Variants in REXO5 observed in about 807,000 individuals in gnomAD.
REXO5 encodes the protein exonuclease NEF-sp.
REXO5 carries 48 observed loss-of-function variants against 88.5 expected under a neutral mutation model. The observed-to-expected ratio is 0.54, with a 90% CI of 0.43 to 0.69. The LOEUF is 0.69. REXO5 is among the 30% of genes least tolerant of loss of function. REXO5 has a pLI of 0.00. For synonymous variants in REXO5, 311 were observed against 336.5 expected (o/e 0.92, Z 0.83); for missense variants, 749 against 912.2 (o/e 0.82, Z 2.30).
chr16:20,810,321 A>G (rs774241534), intron 2 of REXO5, among the ~76,000 whole-genome samples: 1 of 152,128 alleles, frequency 6.6e-6, no homozygotes, highest in Non-Finnish European at 1.5e-5. Context: ...ATTTTTCTGT[A>G]TTTTACTTAT....
At chr16:20,841,165 T>C (rs968196384) in intron 15 of REXO5, among the ~76,000 whole-genome samples, 1 of 152,162 alleles carries the variant, frequency 6.6e-6, no homozygotes, top group Non-Finnish European at 1.5e-5. Context: ...GAGATTAGTT[T>C]TACTTTAACA....
At chr16:20,810,879 C>A (rs534400205) in intron 2 of REXO5, among the ~76,000 whole-genome samples, 1 of 152,254 alleles carries the variant, frequency 6.6e-6, no homozygotes, top group East Asian at 1.9e-4. Context: ...TTTGTGAGCA[C>A]CCTCATCCTA....
Position 20,840,351 on chromosome 16 carries a change from G to A in REXO5, c.1509G>A (p.Glu503=). The A allele has an allele frequency of 6.4e-7, 1 of 1,559,654 alleles. No homozygotes were observed. The highest frequency in any genetic ancestry group is 8.8e-7 in the Non-Finnish European group (1 of 1,142,308). ...TACAGATGAGGATCAAGTGGACAGAGATATCAACTGTCTATGCTGGGCCAT... is the reference window on the plus strand; with the variant it reads ...TACAGATGAGGATCAAGTGGACAGAAATATCAACTGTCTATGCTGGGCCAT... ...MNKRMRIKWT[E]ISTVYAGPFS... Residue 503 remains glutamate, a synonymous_variant, in exon 15 of 20, where the codon GAG becomes GAA. Transcript: ENST00000261377.
At chr16:20,831,793 G>GCAGAGAAGTAAATTTTAAGTGACT (rs987756413) in intron 11 of REXO5, among the ~76,000 whole-genome samples, 1 of 151,660 alleles carries the variant, frequency 6.6e-6, no homozygotes, top group Admixed American at 6.6e-5. Context: ...TTGCATGTTT[G>GCAGAGAAGTAAATTTTAAGTGACT]CAGAGAAGTA....
intron 15 of REXO5, among the ~76,000 whole-genome samples, chr16:20,840,973 G>A (rs755508596): frequency 1.3e-5 from 2 of 152,106 alleles, no homozygotes; most frequent in African/African-American, 2.4e-5. Context: ...TTCAAAAAGA[G>A]AAGTAACTTT....
chr16:20,828,371 G>T, intron 10 of REXO5, 64 bp from the exon 11 acceptor site: 1 of 952,704 alleles, frequency 1.0e-6, no homozygotes, highest in Non-Finnish European at 1.7e-6. Context: ...GAACACTTGA[G>T]ATGGTTGAAA....
intron 10 of REXO5, 41 bp from the exon 11 acceptor site, chr16:20,828,394 A>G: frequency 8.0e-7 from 1 of 1,249,268 alleles, no homozygotes. Context: ...GCCTATCATT[A>G]AAAGTGCTTC....
rs142034240 is a variant in REXO5 at position 20,840,435 on chromosome 16, C to T, written c.1593C>T (p.Val531=). ...GGCTGTTTAAAAGCTTTGGCCCAGT[C>T]CAGTCAATGACTTTTGTTCTTGAAA... is the stretch of plus-strand genomic sequence containing the variant. ...LKRLFKSFGP[V]QSMTFVLETR... is the part of the protein sequence containing the mutation. Residue 531 remains valine, a synonymous_variant, in exon 15 of 20, where the codon GTC becomes GTT. Coordinates refer to ENST00000261377, the MANE Select transcript of REXO5 (RefSeq NM_030941.3). The T allele has an allele frequency of 1.3e-4, 202 of 1,565,854 alleles. No homozygotes were observed. Among genetic ancestry groups the T allele is most frequent in the Admixed American group, 2.0e-4 (12 of 58,690 alleles).
chr16:20,842,847 G>A (rs2081551321), intron 15 of REXO5, among the ~76,000 whole-genome samples: 1 of 152,108 alleles, frequency 6.6e-6, no homozygotes, highest in Admixed American at 6.5e-5. Flanking sequence ...CAGTTCTTCT[G>A]GGTGTATACC....
At chr16:20,829,127 C>T (rs1327019453) in intron 11 of REXO5, among the ~76,000 whole-genome samples, 1 of 152,128 alleles carries the variant, frequency 6.6e-6, no homozygotes, top group African/African-American at 2.4e-5. Context: ...CTATGTCTAG[C>T]TGTATAATCT....
chr16:20,823,248 T>G (rs1233639735), intron 6 of REXO5, among the ~76,000 whole-genome samples: 1 of 152,222 alleles, frequency 6.6e-6, no homozygotes, highest in East Asian at 1.9e-4. Context: ...CATGGAATTA[T>G]TGGAGTTCTT....
At chr16:20,840,594 A>G in intron 15 of REXO5, 126 bp downstream of exon 15, 1 of 770,384 alleles carries the variant, frequency 1.3e-6, no homozygotes, top group Non-Finnish European at 2.0e-6. Context: ...AGTGTGAGAC[A>G]TACTCTAATG....
At chr16:20,815,151 A>G in intron 4 of REXO5, 98 bp downstream of exon 4, 1 of 1,341,288 alleles carries the variant, frequency 7.5e-7, no homozygotes, top group Non-Finnish European at 1.0e-6. Flanking sequence ...ACCTAACTGA[A>G]CAAACAGTAG....
Position 20,825,850 on chromosome 16 carries a change from G to A in REXO5, c.723G>A (p.Gly241=). Residue 241 remains glycine (G), a synonymous_variant, in exon 8 of 20, where the codon GGG becomes GGA. Coordinates refer to ENST00000261377, the MANE Select transcript of REXO5 (RefSeq NM_030941.3). ...TCTTTCAGTGCCTCACATCCAAGGGGAGAGAGCTAACACGCATCTCACTGG... is the reference window on the plus strand; with the variant it reads ...TCTTTCAGTGCCTCACATCCAAGGGAAGAGAGCTAACACGCATCTCACTGG... The part of the protein sequence containing the change: ...LDCEMCLTSK[G]RELTRISLVA... 6.2e-7 allele frequency: 1 copy of A among 1,613,764 alleles called. No homozygotes were observed. Among genetic ancestry groups the A allele is most frequent in the Non-Finnish European group, 8.5e-7 (1 of 1,179,778 alleles).
rs566578952 is a variant in REXO5, at chr16:20,834,687, C to T, written c.1383+1564C>T. ...TGTCTGTTTTATTTTAGATTGTTTC[C>T]GTTGCTATGTCTTAGGTTTCTAATT... On this transcript the variant is annotated intron_variant, in intron 13 of 19. Transcript: ENST00000261377. Among the ~76,000 whole-genome samples the T allele has an allele frequency of 9.9e-5, 15 of 151,970 alleles. No homozygotes were observed. In the South Asian group the frequency reaches 2.7e-3, roughly 27 times the overall value.
At chr16:20,815,933 A>G (rs147764308) in intron 4 of REXO5, among the ~76,000 whole-genome samples, 183 bp from the exon 5 acceptor site, 110 of 152,346 alleles carry the variant, frequency 7.2e-4, no homozygotes, top group Non-Finnish European at 1.3e-3. Context: ...GGGATCAGTT[A>G]GTGTTGTGTG....
chr16:20,835,929 G>T (rs1440971395), intron 13 of REXO5, among the ~76,000 whole-genome samples: 1 of 152,010 alleles, frequency 6.6e-6, no homozygotes, highest in African/African-American at 2.4e-5. Flanking sequence ...GGTCCCAGCT[G>T]CTCAGGAGGC....
rs746552867 is a variant in REXO5 at position 20,845,139 on chromosome 16, C to A, written c.2022C>A (p.Thr674=). Residue 674 remains threonine, a synonymous_variant, in exon 18 of 20, where the codon ACC becomes ACA. Transcript: ENST00000261377. ...DWKLKGRHAL[T]PRHLHAWLRG... The stretch of plus-strand genomic sequence containing the variant: ...AGCTGAAAGGCAGGCATGCCCTAAC[C>A]CCCAGGCACCTCCATGCCTGGCTCA... The A allele has an allele frequency of 1.2e-6, 2 of 1,613,972 alleles. No homozygotes were observed. Among genetic ancestry groups the A allele is most frequent in the Admixed American group, 1.7e-5 (1 of 59,964 alleles).
chr16:20,837,793 G>A (rs994997574), intron 13 of REXO5, among the ~76,000 whole-genome samples: 4 of 152,024 alleles, frequency 2.6e-5, no homozygotes, highest in Non-Finnish European at 4.4e-5. Context: ...TTGAGACAGG[G>A]TCTTGCTCTA....
Sources: gnomAD v4.1 joint callset for allele counts (sites outside exome capture counted in the v4.1 genomes callset) on GRCh38, gnomAD v4.1.1 for gene constraint, MANE v1.5 for transcripts, NCBI Gene and HGNC (gene_info 2026-07-23, HGNC 2026-07-21) for gene names.